The following MACROD2 variants were observed in gnomAD, a reference collection of about 807,000 sequenced individuals.
The protein encoded by MACROD2 is mono-ADP ribosylhydrolase 2, also known as ADP-ribose glycohydrolase MACROD2.
A neutral mutation model predicts 70.4 loss-of-function variants in MACROD2; 36 were observed. That is an observed-to-expected ratio of 0.51 (90% CI 0.39 to 0.68). The LOEUF (loss-of-function observed/expected upper bound fraction) is 0.68, where lower values mean the gene tolerates loss of function less well. Among genes scored for constraint, MACROD2 ranks in the 30% least tolerant of loss-of-function variants. The probability of loss-of-function intolerance (pLI) is 0.00; values close to 1 mark genes in which losing one functional copy is unlikely to be tolerated. For missense variants in MACROD2, 496 were observed against 538.4 expected (o/e 0.92, Z 0.78); for synonymous variants, 172 against 178.8 (o/e 0.96, Z 0.30).
chr20:15,980,502 A>C (rs1350485268), intron 13 of MACROD2, among the ~76,000 whole-genome samples: 2 of 152,156 alleles, frequency 1.3e-5, no homozygotes, highest in Admixed American at 1.3e-4. Flanking sequence ...AAGATTTTTT[A>C]TCATTTAAAG....
At chr20:15,274,250 ACAAGTTC>A (rs1325462351) in intron 6 of MACROD2, among the ~76,000 whole-genome samples, 3 of 152,210 alleles carry the variant, frequency 2.0e-5, no homozygotes, top group Non-Finnish European at 4.4e-5. Flanking sequence ...AGTTGCAAAT[ACAAGTTC>A]CATTCATTTG....
intron 5 of MACROD2, among the ~76,000 whole-genome samples, chr20:15,229,489 T>C (rs1292475707): frequency 6.6e-6 from 1 of 152,192 alleles, no homozygotes; most frequent in Non-Finnish European, 1.5e-5. Context: ...CTCTTCTTTA[T>C]TGTGTACAAT....
At chr20:14,884,290 A>G (rs1321627244) in intron 5 of MACROD2, 1 of 152,310 alleles carries the variant, frequency 6.6e-6, no homozygotes, top group African/African-American at 2.4e-5. Context: ...TTTGGTTCAC[A>G]AATCTGCAGT....
At chr20:15,812,099 G>C (rs577472238) in intron 8 of MACROD2, among the ~76,000 whole-genome samples, 87 of 152,350 alleles carry the variant, frequency 5.7e-4, no homozygotes, top group African/African-American at 2.0e-3. Flanking sequence ...TGCTTTGCAT[G>C]TCAGCTTGCT....
At chr20:14,011,730 C>T (rs1204589752) in intron 2 of MACROD2, among the ~76,000 whole-genome samples, 1 of 152,000 alleles carries the variant, frequency 6.6e-6, no homozygotes, top group Non-Finnish European at 1.5e-5. Flanking sequence ...AGGGTTTCAC[C>T]GTGTTAGCCA....
At chr20:14,676,809 T>C (rs190828978) in intron 4 of MACROD2, among the ~76,000 whole-genome samples, 4 of 151,972 alleles carry the variant, frequency 2.6e-5, no homozygotes, top group African/African-American at 9.6e-5. Context: ...ACAAAATAGA[T>C]AGACCACTAG....
chr20:15,483,100 G>A (rs1020727712), intron 7 of MACROD2, among the ~76,000 whole-genome samples: 3 of 152,034 alleles, frequency 2.0e-5, no homozygotes, highest in Non-Finnish European at 2.9e-5. Flanking sequence ...TTTTCATAAA[G>A]CATGTATTTG....
At chr20:15,361,247 T>G (rs560764071) in intron 6 of MACROD2, among the ~76,000 whole-genome samples, 85 of 152,204 alleles carry the variant, frequency 5.6e-4, no homozygotes, top group Non-Finnish European at 1.1e-3. Flanking sequence ...GGATGTGAAG[T>G]TGAGGTTGAG....
At chr20:15,088,423 ATATATATATATATATATATATATATAT>A (rs2075767001) in intron 5 of MACROD2, among the ~76,000 whole-genome samples, 1 of 36,032 alleles carries the variant, frequency 2.8e-5, no homozygotes, top group Non-Finnish European at 9.7e-5. Flanking sequence ...ATATATATAT[ATATATATATATATATATATATATATAT>A]AATATTTTGT....
chr20:15,497,245 G>A (rs1229939647), intron 7 of MACROD2, among the ~76,000 whole-genome samples: 2 of 152,232 alleles, frequency 1.3e-5, no homozygotes, highest in East Asian at 3.9e-4. Context: ...GGACTGAAAA[G>A]GCCTCCTATG....
At chr20:15,055,731 C>T (rs2075479471) in intron 5 of MACROD2, among the ~76,000 whole-genome samples, 1 of 151,310 alleles carries the variant, frequency 6.6e-6, no homozygotes, top group Admixed American at 6.6e-5. Context: ...AGGCTAAATG[C>T]AAGGGCTACT....
intron 8 of MACROD2, among the ~76,000 whole-genome samples, chr20:15,568,338 A>G (rs6043368): frequency 0.039 from 5,987 of 152,270 alleles, 294 homozygotes; most frequent in East Asian, 0.22. Context: ...TTTCTAGTTG[A>G]TGCATTAGTC....
intron 5 of MACROD2, among the ~76,000 whole-genome samples, chr20:14,731,535 A>T (rs1396064865): frequency 6.6e-6 from 1 of 152,122 alleles, no homozygotes; most frequent in Non-Finnish European, 1.5e-5. Flanking sequence ...TGGTGCTGCC[A>T]TTGTTATTTG....
At chr20:15,474,230 A>C (rs1004576616) in intron 7 of MACROD2, among the ~76,000 whole-genome samples, 2 of 152,196 alleles carry the variant, frequency 1.3e-5, no homozygotes, top group Non-Finnish European at 2.9e-5. Flanking sequence ...TAGCAACTTC[A>C]TGGTTGATTT....
intron 5 of MACROD2, among the ~76,000 whole-genome samples, chr20:14,886,926 C>T (rs1393670572): frequency 6.6e-6 from 1 of 152,078 alleles, no homozygotes; most frequent in East Asian, 1.9e-4. Flanking sequence ...CCGACATTGG[C>T]GTCTCTAGTG....
At chr20:15,082,818 G>A (rs1242324038) in intron 5 of MACROD2, among the ~76,000 whole-genome samples, 2 of 151,928 alleles carry the variant, frequency 1.3e-5, no homozygotes, top group African/African-American at 4.8e-5. Context: ...CTTTGATAGG[G>A]TGGATTTTCT....
intron 5 of MACROD2, among the ~76,000 whole-genome samples, chr20:15,140,467 A>T (rs2076183621): frequency 6.6e-6 from 1 of 152,192 alleles, no homozygotes; most frequent in East Asian, 1.9e-4. Context: ...TGGCCAGTGG[A>T]GCAGCAAGCA....
chr20:14,127,612 A>G (rs2054668298), intron 3 of MACROD2: 1 of 448,244 alleles, frequency 2.2e-6, no homozygotes, highest in Non-Finnish European at 4.2e-6. Context: ...AATTGAAACA[A>G]GAGCTAATTC....
At chr20:14,985,358 G>A (rs2074839229) in intron 5 of MACROD2, among the ~76,000 whole-genome samples, 1 of 152,112 alleles carries the variant, frequency 6.6e-6, no homozygotes, top group Non-Finnish European at 1.5e-5. Context: ...TTTCACTACT[G>A]GTGTGTACAG....
Sources: allele counts gnomAD v4.1 joint callset (sites outside exome capture counted in the v4.1 genomes callset), GRCh38; gene constraint gnomAD v4.1.1; transcripts MANE v1.5; gene names NCBI Gene and HGNC (gene_info 2026-07-23, HGNC 2026-07-21).